The following BAG4 variants were observed in gnomAD, a reference collection of about 807,000 sequenced individuals.
BAG4 encodes the protein BAG family molecular chaperone regulator 4.
Under a neutral mutation model 52.1 loss-of-function variants are expected in BAG4, and 28 were observed. The observed-to-expected ratio is 0.54, with a 90% CI of 0.40 to 0.74. BAG4 has a LOEUF of 0.74. Ranked by LOEUF, BAG4 falls within the 30% of genes least tolerant of loss-of-function variation. The pLI is 0.00. For synonymous variants in BAG4, 208 were observed against 217.0 expected (o/e 0.96, Z 0.37); for missense variants, 525 against 572.0 (o/e 0.92, Z 0.84).
At chr8:38,180,523 A>G (rs1211966364) in intron 1 of BAG4, among the ~76,000 whole-genome samples, 1 of 121,732 alleles carries the variant, frequency 8.2e-6, no homozygotes, top group Admixed American at 8.2e-5. Flanking sequence ...ACTCCGTCTC[A>G]AAAAAAAAAA....
chr8:38,180,742 A>G (rs1163415650), intron 1 of BAG4, among the ~76,000 whole-genome samples: 1 of 152,024 alleles, frequency 6.6e-6, no homozygotes, highest in Admixed American at 6.6e-5. Flanking sequence ...TGAGGTTGAT[A>G]GAAATGCAAA....
intron 1 of BAG4, among the ~76,000 whole-genome samples, chr8:38,190,397 T>C (rs1020806887): frequency 2.6e-5 from 4 of 152,228 alleles, no homozygotes; most frequent in African/African-American, 7.2e-5. Flanking sequence ...ATTTGAATTA[T>C]ATTCTGTGTG....
rs560623799 is a variant in BAG4, at chr8:38,209,077, G to C, written c.698G>C (p.Gly233Ala). The change falls in exon 4 of 5, where the codon GGA becomes GCA. Residue 233 changes from glycine (G) to alanine (A), a missense_variant. By Grantham distance (60) the Gly-to-Ala change is moderately conservative. Transcript: ENST00000287322. ...GDGNRSVPQSGPTVRPQEDAW... is the reference protein window; with the variant it reads ...GDGNRSVPQSAPTVRPQEDAW... ...GGTAATCGTAGTGTTCCACAATCAG[G>C]ACCGACTGTACGACCACAAGAAGAT... is the stretch of plus-strand genomic sequence containing the variant. The C allele has an allele frequency of 2.0e-4, 323 of 1,614,124 alleles. 3 individuals carry two copies. In the South Asian group the frequency reaches 2.6e-3, roughly 13 times the overall value.
At chr8:38,194,815 T>C (rs550252967) in intron 2 of BAG4, among the ~76,000 whole-genome samples, 1 of 151,822 alleles carries the variant, frequency 6.6e-6, no homozygotes, top group African/African-American at 2.4e-5. Flanking sequence ...TATATTTTTT[T>C]ATCTAGCCAT....
chr8:38,212,471 G>GT lies in BAG4; in HGVS notation c.*1979dup, dbSNP rs1803881528. ...CCTTGCCCTTATGTTAACATCTTAC[G>GT]TAACAATAGAACATTTGTCAAAATT... On this transcript the variant is annotated 3_prime_UTR_variant, in exon 5 of 5. Transcript: ENST00000287322. 2.6e-5 allele frequency: 4 copies of GT among 152,194 alleles called. No individual in the cohort carries two copies. In the South Asian group the frequency reaches 8.3e-4, roughly 32 times the overall value. The allele number at this position is 152,194 out of a possible 1,614,324, so 9.4% of individuals were successfully genotyped here. A position where few individuals can be genotyped will look rare whatever the true frequency, so the allele number is the denominator to read the frequency against.
chr8:38,196,908 C>A (rs541892011), intron 2 of BAG4, among the ~76,000 whole-genome samples: 1 of 151,660 alleles, frequency 6.6e-6, no homozygotes, highest in South Asian at 2.1e-4. Context: ...GAAACCCCTT[C>A]ACTACTAAAA....
chr8:38,187,220 G>C lies in BAG4; in HGVS notation c.271-5468G>C, dbSNP rs1255551936. Among the ~76,000 whole-genome samples, 47 of 152,134 alleles carry C rather than the reference G, an allele frequency of 3.1e-4. 2 individuals carry two copies. The highest frequency in any genetic ancestry group is 3.1e-3 in the Admixed American group (47 of 15,258). ...GAAGCAAAGAAAGGTGTGTGATAATGTCATGTCAAATAGGGAATATCAATA... is the reference window on the plus strand; with the variant it reads ...GAAGCAAAGAAAGGTGTGTGATAATCTCATGTCAAATAGGGAATATCAATA... On this transcript the variant is annotated intron_variant, in intron 1 of 4. Transcript: ENST00000287322.
At chr8:38,187,975 T>G (rs1352767229) in intron 1 of BAG4, among the ~76,000 whole-genome samples, 1 of 141,310 alleles carries the variant, frequency 7.1e-6, no homozygotes, top group African/African-American at 2.6e-5. Context: ...AGGCGGAGCT[T>G]GCAGTGAGCC....
intron 4 of BAG4, 68 bp from the exon 5 acceptor site, chr8:38,209,940 A>G: frequency 6.5e-7 from 1 of 1,543,234 alleles, no homozygotes; most frequent in South Asian, 1.3e-5. Context: ...GATGTGGGCT[A>G]ACAAATTTGA....
chr8:38,189,023 A>G (rs1803422772), intron 1 of BAG4, among the ~76,000 whole-genome samples: 4 of 150,778 alleles, frequency 2.7e-5, no homozygotes, highest in South Asian at 2.1e-4. Flanking sequence ...CAGTGGTGCA[A>G]TCTCAGTTCA....
rs543388123 is a variant in BAG4 at position 38,209,027 on chromosome 8, C to A, written c.648C>A (p.Thr216=). The A allele has an allele frequency of 6.2e-7, 1 of 1,613,820 alleles. No homozygotes were observed. The highest frequency in any genetic ancestry group is 1.3e-5 in the African/African-American group (1 of 75,012). The change falls in exon 4 of 5, where the codon ACC becomes ACA. Residue 216 remains threonine, a synonymous_variant. Transcript: ENST00000287322. ...GYPPSQNPGM[T]LPHYPYGDGN... is the part of the protein sequence containing the mutation. ...TCTCAATCTAGAACCCTGGAATGAC[C>A]CTGCCCCATTATCCTTATGGAGATG... is the stretch of plus-strand genomic sequence containing the variant.
At chr8:38,177,692 C>T (rs890688367) in intron 1 of BAG4, among the ~76,000 whole-genome samples, 1 of 152,182 alleles carries the variant, frequency 6.6e-6, no homozygotes, top group Non-Finnish European at 1.5e-5. Flanking sequence ...ATTTTCACGG[C>T]GACTGCAAGG....
At chr8:38,192,573 A>G in intron 1 of BAG4, 115 bp from the exon 2 acceptor site, 1 of 797,864 alleles carries the variant, frequency 1.3e-6, no homozygotes, top group Non-Finnish European at 1.9e-6. Context: ...TGCCCAGCTT[A>G]TTGCTTTTTG....
chr8:38,194,916 G>A (rs1169188354), intron 2 of BAG4, among the ~76,000 whole-genome samples: 5 of 133,940 alleles, frequency 3.7e-5, no homozygotes, highest in African/African-American at 8.5e-5. Context: ...GTGCAGTGGC[G>A]CGACCTCGGC....
Position 38,178,150 on chromosome 8 carries a change from GT to G in BAG4, c.270+1019del, listed in dbSNP as rs913070746. 1.3e-3 allele frequency among the ~76,000 whole-genome samples: 188 copies of G among 149,306 alleles called. 1 individual carries two copies. Among genetic ancestry groups the G allele is most frequent in the African/African-American group, 4.2e-3 (171 of 40,704 alleles). On this transcript the variant is annotated intron_variant, in intron 1 of 4. Coordinates refer to ENST00000287322, the MANE Select transcript of BAG4 (RefSeq NM_004874.4). Reference sequence around the variant, plus strand: ...ATAATCGCCAAAAAGTAGAAATGTCGTTTTTTTTGTTTTTTTTTTTTTTGAG... The same window carrying G: ...ATAATCGCCAAAAAGTAGAAATGTCGTTTTTTTGTTTTTTTTTTTTTTGAG...
Position 38,192,269 on chromosome 8 carries a change from C to T in BAG4, c.271-419C>T, listed in dbSNP as rs548837142. 2.0e-5 allele frequency among the ~76,000 whole-genome samples: 3 copies of T among 152,270 alleles called. No individual in the cohort carries two copies. The East Asian group carries it at 5.8e-4, about 29-fold the overall frequency. ...AGGTGATCTAATGTCTCTGATTTTG[C>T]TAATCATCTTGATGTAGTAGAATTC... On this transcript the variant is annotated intron_variant, in intron 1 of 4. Coordinates refer to ENST00000287322, the MANE Select transcript of BAG4 (RefSeq NM_004874.4).
At position 38,176,937 on chromosome 8, in the gene BAG4, C is replaced by T; in HGVS notation, c.68C>T (p.Pro23Leu). The change falls in exon 1 of 5, where the codon CCT becomes CTT. Residue 23 changes from proline to leucine, a missense_variant. This residue lies in a region of BAG4 where 287 missense variants were observed against 266.1 expected (regional missense o/e 1.08). Transcript: ENST00000287322. ...CCGTCCTACGGCCGCTACTACGGGC[C>T]TGGGGGTGGAGATGTGCCGGTACAC... ...DGPSYGRYYG[P>L]GGGDVPVHPP... The T allele has an allele frequency of 1.9e-6, 3 of 1,553,904 alleles. No homozygotes were observed. The highest frequency in any genetic ancestry group is 2.6e-6 in the Non-Finnish European group (3 of 1,149,028).
At chr8:38,200,171 T>A (rs1803636781) in intron 2 of BAG4, among the ~76,000 whole-genome samples, 1 of 151,740 alleles carries the variant, frequency 6.6e-6, no homozygotes, top group Non-Finnish European at 1.5e-5. Flanking sequence ...GCCGGGCTAA[T>A]TTTTTTTGTA....
intron 1 of BAG4, among the ~76,000 whole-genome samples, chr8:38,191,754 C>A (rs1380892449): frequency 8.5e-6 from 1 of 116,988 alleles, no homozygotes; most frequent in Non-Finnish European, 1.7e-5. Flanking sequence ...GAGCGAAACT[C>A]TGTCTCAAAA....
Sources: gnomAD v4.1 joint callset for allele counts (sites outside exome capture counted in the v4.1 genomes callset) on GRCh38, gnomAD v4.1.1 for gene constraint, gnomAD v4.1.1 regional missense constraint, MANE v1.5 for transcripts, NCBI Gene and HGNC (gene_info 2026-07-23, HGNC 2026-07-21) for gene names.